UBE2F: variants seen among roughly 807,000 people sequenced by gnomAD.
UBE2F encodes ubiquitin conjugating enzyme E2 F (putative), also known as NEDD8-conjugating enzyme UBE2F.
Under a neutral mutation model 29.6 loss-of-function variants are expected in UBE2F, and 5 were observed. That is an observed-to-expected ratio of 0.17 (90% CI 0.09 to 0.36). The LOEUF is 0.36. Ranked by LOEUF, UBE2F falls within the 10% of genes least tolerant of loss-of-function variation. The probability of loss-of-function intolerance (pLI) is 1.00; values close to 1 mark genes in which losing one functional copy is unlikely to be tolerated. For missense variants in UBE2F, 141 were observed against 228.5 expected (o/e 0.62, Z 2.47); for synonymous variants, 66 against 81.8 (o/e 0.81, Z 1.04).
intron 4 of UBE2F, among the ~76,000 whole-genome samples, chr2:238,002,749 T>C (rs1423634499): frequency 6.6e-6 from 1 of 152,048 alleles, no homozygotes; most frequent in Non-Finnish European, 1.5e-5. Flanking sequence ...GTAGCTGGGA[T>C]TACAGGTGTG....
chr2:238,009,208 T>A (rs1475495951), intron 4 of UBE2F, among the ~76,000 whole-genome samples: 1 of 152,218 alleles, frequency 6.6e-6, no homozygotes, highest in Admixed American at 6.5e-5. Context: ...TTGAAGTGGT[T>A]TTTTCTTTTT....
chr2:238,023,529 A>T (rs1214352939), intron 5 of UBE2F, among the ~76,000 whole-genome samples: 1 of 152,240 alleles, frequency 6.6e-6, no homozygotes, highest in Non-Finnish European at 1.5e-5. Context: ...TTTACTAGAA[A>T]GTTAAAGAGG....
chr2:238,030,468 G>A (rs2064547442), intron 6 of UBE2F, 88 bp from the exon 7 acceptor site: 1 of 887,752 alleles, frequency 1.1e-6, no homozygotes, highest in Non-Finnish European at 1.8e-6. Flanking sequence ...TAGAGCTCCT[G>A]CATGGCACAC....
chr2:237,983,016 G>A (rs1367398642), intron 2 of UBE2F, among the ~76,000 whole-genome samples: 1 of 152,126 alleles, frequency 6.6e-6, no homozygotes, highest in African/African-American at 2.4e-5. Flanking sequence ...TTATGTTTTT[G>A]TAGTGACAGA....
At chr2:237,971,558 A>G (rs547937766) in intron 1 of UBE2F, among the ~76,000 whole-genome samples, 1 of 152,268 alleles carries the variant, frequency 6.6e-6, no homozygotes, top group Admixed American at 6.5e-5. Flanking sequence ...TCCTGGCCTC[A>G]TAATCCACCT....
At chr2:237,991,074 T>G (rs1312680014) in intron 3 of UBE2F, among the ~76,000 whole-genome samples, 1 of 152,206 alleles carries the variant, frequency 6.6e-6, no homozygotes, top group Non-Finnish European at 1.5e-5. Flanking sequence ...ATCAGGATTG[T>G]AACTGCATAC....
chr2:238,028,710 A>C (rs2064493337), intron 6 of UBE2F, among the ~76,000 whole-genome samples: 1 of 152,218 alleles, frequency 6.6e-6, no homozygotes, highest in African/African-American at 2.4e-5. Flanking sequence ...ACAGACAATT[A>C]AGATTATAGC....
intron 5 of UBE2F, among the ~76,000 whole-genome samples, chr2:238,020,081 G>T (rs1450249945): frequency 6.6e-6 from 1 of 152,160 alleles, no homozygotes; most frequent in African/African-American, 2.4e-5. Context: ...GATCATTAGG[G>T]TGTAGTACTT....
intron 4 of UBE2F, among the ~76,000 whole-genome samples, chr2:238,008,159 CGGG>C (rs1037318535): frequency 6.6e-6 from 1 of 151,808 alleles, no homozygotes; most frequent in Non-Finnish European, 1.5e-5. Flanking sequence ...TTTGTAGAGA[CGGG>C]GGTCTCACTA....
intron 4 of UBE2F, among the ~76,000 whole-genome samples, chr2:238,009,451 C>T (rs1039932897): frequency 6.6e-6 from 1 of 152,210 alleles, no homozygotes; most frequent in African/African-American, 2.4e-5. Context: ...TCATTTTGGA[C>T]AGTTTGTTTT....
chr2:237,967,332 G>GGCCGCGA lies in UBE2F; in HGVS notation c.-17+205_-17+211dup, dbSNP rs1407519105. 0.023 allele frequency among the ~76,000 whole-genome samples: 3,412 copies of GGCCGCGA among 146,826 alleles called. 67 individuals carry two copies. The highest frequency in any genetic ancestry group is 0.055 in the Middle Eastern group (16 of 290). On this transcript the variant is annotated intron_variant, in intron 1 of 9. Coordinates refer to ENST00000272930, the MANE Select transcript of UBE2F (RefSeq NM_080678.3). This position sits in a 1 kb window ranked among gnomAD's most constrained non-coding sequence, Gnocchi z 6.3. ...GAATGGGAAGGGGCCGCGGGCCGCG[G>GGCCGCGA]GCCGCGAGCCGGGGGTCGGAGGCGG...
chr2:238,027,336 A>C (rs1052174829), intron 6 of UBE2F, among the ~76,000 whole-genome samples: 14 of 152,250 alleles, frequency 9.2e-5, no homozygotes, highest in Admixed American at 8.5e-4. Flanking sequence ...GGCATTGGCT[A>C]CAAATAGGTG....
intron 4 of UBE2F, among the ~76,000 whole-genome samples, chr2:237,995,744 C>T (rs944217022): frequency 3.9e-4 from 60 of 152,114 alleles, no homozygotes; most frequent in African/African-American, 1.3e-3. Flanking sequence ...CACAAGAAAT[C>T]CTGGTTTCAA....
chr2:237,975,726 C>T (rs1415946745), intron 2 of UBE2F, among the ~76,000 whole-genome samples: 1 of 152,048 alleles, frequency 6.6e-6, no homozygotes, highest in Non-Finnish European at 1.5e-5. Context: ...GCAACCTTCA[C>T]CTCCTGGGTT....
At chr2:238,041,049 C>T (rs1197822650) in intron 9 of UBE2F, among the ~76,000 whole-genome samples, 2 of 152,154 alleles carry the variant, frequency 1.3e-5, no homozygotes, top group Non-Finnish European at 2.9e-5. Flanking sequence ...GGGTCCCTTC[C>T]ACTCAGGCCT....
intron 4 of UBE2F, among the ~76,000 whole-genome samples, chr2:238,001,369 C>T (rs1443343171): frequency 1.3e-5 from 2 of 152,054 alleles, no homozygotes; most frequent in Non-Finnish European, 2.9e-5. Context: ...TCCTTATATA[C>T]CTTGATATGA....
At chr2:238,002,253 G>GTTTTGT (rs796459519) in intron 4 of UBE2F, among the ~76,000 whole-genome samples, 7 of 151,274 alleles carry the variant, frequency 4.6e-5, no homozygotes, top group Middle Eastern at 3.4e-3. Context: ...TCCTCTTTCT[G>GTTTTGT]TTTTGTTTTT....
intron 2 of UBE2F, among the ~76,000 whole-genome samples, chr2:237,985,210 T>C (rs4663275): frequency 0.66 from 100,402 of 151,890 alleles, 35,619 homozygotes; most frequent in Non-Finnish European, 0.77. Context: ...TCTTCTTGTA[T>C]AGTTTACCTT....
intron 2 of UBE2F, among the ~76,000 whole-genome samples, chr2:237,987,046 A>G (rs770030121): frequency 4.6e-5 from 7 of 152,198 alleles, no homozygotes; most frequent in African/African-American, 1.2e-4. Context: ...GAATTTTGAT[A>G]GGGATTGCAC....
Sources: gnomAD v4.1 joint callset for allele counts (sites outside exome capture counted in the v4.1 genomes callset) on GRCh38, gnomAD v4.1.1 for gene constraint, Gnocchi (gnomAD v3.1) non-coding constraint, MANE v1.5 for transcripts, NCBI Gene and HGNC (gene_info 2026-07-23, HGNC 2026-07-21) for gene names.